The following LIF variants were observed in gnomAD, a reference collection of about 807,000 sequenced individuals.
The protein encoded by LIF is LIF interleukin 6 family cytokine, also known as leukemia inhibitory factor.
LIF carries 9 observed loss-of-function variants against 15.0 expected under a neutral mutation model. The observed-to-expected ratio is 0.60, with a 90% CI of 0.36 to 1.04. LIF has a LOEUF of 1.04. Ranked by LOEUF, LIF falls within the 50% of genes least tolerant of loss-of-function variation. The probability of loss-of-function intolerance (pLI) is 0.01; values close to 1 mark genes in which losing one functional copy is unlikely to be tolerated. For missense variants in LIF, 240 were observed against 266.7 expected (o/e 0.90, Z 0.70); for synonymous variants, 122 against 119.7 (o/e 1.02, Z -0.13).
intron 1 of LIF, chr22:30,246,324 A>C: frequency 2.5e-6 from 1 of 407,386 alleles, no homozygotes; most frequent in Non-Finnish European, 3.6e-6. Context: ...AAGAAAGAAA[A>C]GAAAAAGAGA....
intron 1 of LIF, 116 bp downstream of exon 1, chr22:30,246,561 C>T: frequency 6.9e-7 from 1 of 1,448,918 alleles, no homozygotes; most frequent in East Asian, 2.8e-5. Context: ...CGCGGGCGCC[C>T]CAAGTGTTCG....
chr22:30,243,396 C>T lies in LIF; in HGVS notation c.*255G>A, dbSNP rs956046684. On this transcript the variant is annotated 3_prime_UTR_variant, in exon 3 of 3. Transcript: ENST00000249075. The surrounding 1 kb of genome is among the most constrained non-coding windows in gnomAD (Gnocchi z 6.0). ...CAAGTAGAGGCAGAAGTCCAGCCCA[C>T]GCTCCCCAGTCCACAATCTCCCAGA... 2.4e-5 allele frequency: 14 copies of T among 576,220 alleles called. No individual in the cohort carries two copies. Among genetic ancestry groups the T allele is most frequent in the South Asian group, 9.9e-5 (5 of 50,350 alleles). The allele number at this position is 576,220 out of a possible 1,614,324, so 35.7% of individuals were successfully genotyped here. A position where few individuals can be genotyped will look rare whatever the true frequency, so the allele number is the denominator to read the frequency against.
intron 1 of LIF, 82 bp from the exon 2 acceptor site, chr22:30,245,015 A>C: frequency 7.2e-7 from 1 of 1,380,280 alleles, no homozygotes; most frequent in Non-Finnish European, 1.0e-6. Context: ...TGGGGGTCCA[A>C]CAATGGCCGC....
rs201179444 is a variant in LIF at position 30,246,663 on chromosome 22, G to T, written c.19+14C>A. 6.4e-7 allele frequency: 1 copy of T among 1,555,342 alleles called. No homozygotes were observed. Among genetic ancestry groups the T allele is most frequent in the East Asian group, 2.4e-5 (1 of 41,324 alleles). On this transcript the variant is annotated intron_variant, in intron 1 of 2. Transcript: ENST00000249075. ...AGCGGGGACGCGAAGCCGGCGCGGGGCGGGTGTATTTACCTGCCGCCAAGA... is the reference window on the plus strand; with the variant it reads ...AGCGGGGACGCGAAGCCGGCGCGGGTCGGGTGTATTTACCTGCCGCCAAGA...
rs570937044 is a variant in LIF, at chr22:30,245,688, C to T, written c.20-755G>A. Among the ~76,000 whole-genome samples the T allele has an allele frequency of 7.0e-4, 106 of 152,350 alleles. 1 individual carries two copies. In the Middle Eastern group the frequency reaches 0.01, roughly 15 times the overall value. On this transcript the variant is annotated intron_variant, in intron 1 of 2. Coordinates refer to ENST00000249075, the MANE Select transcript of LIF (RefSeq NM_002309.5). The stretch of plus-strand genomic sequence containing the variant: ...CCCCAGCTCCGGACAGCCCCTGACT[C>T]CATGCCTTCTCCCGACTCATCCGCT...
intron 1 of LIF, chr22:30,246,390 G>T: frequency 1.1e-6 from 1 of 933,224 alleles, no homozygotes; most frequent in Non-Finnish European, 1.4e-6. Flanking sequence ...GCGAGTGTCC[G>T]GAGCGAGGAG....
chr22:30,245,865 TGG>T (rs1217072370), intron 1 of LIF, among the ~76,000 whole-genome samples: 1 of 152,156 alleles, frequency 6.6e-6, no homozygotes, highest in Non-Finnish European at 1.5e-5. Flanking sequence ...ACAGGAGAGC[TGG>T]GAGCTGTCCC....
At chr22:30,245,697 C>T (rs1325305664) in intron 1 of LIF, among the ~76,000 whole-genome samples, 6 of 152,216 alleles carry the variant, frequency 3.9e-5, no homozygotes, top group African/African-American at 1.2e-4. Context: ...TCCATGCCTT[C>T]TCCCGACTCA....
At position 30,240,886 on chromosome 22, in the gene LIF, A is replaced by G. The variant is rs1279189153; in HGVS notation, c.*2765T>C. ...GCTGGGTCAGGGTGGAAGTGCCCCA[A>G]GTCAGGGACAAGGAGGACGATGGGG... is the stretch of plus-strand genomic sequence containing the variant. On this transcript the variant is annotated 3_prime_UTR_variant, in exon 3 of 3. Transcript: ENST00000249075. 1 of 152,432 alleles carries G rather than the reference A, an allele frequency of 6.6e-6. No individual in the cohort carries two copies. The highest frequency in any genetic ancestry group is 1.9e-4 in the East Asian group (1 of 5,220). 9.4% of individuals were successfully genotyped at this position (152,432 alleles called of 1,614,324 possible).
At position 30,243,650 on chromosome 22, in the gene LIF, G is replaced by T; in HGVS notation, c.*1C>A. On this transcript the variant is annotated 3_prime_UTR_variant, in exon 3 of 3. Transcript: ENST00000249075. The surrounding 1 kb of genome is among the most constrained non-coding windows in gnomAD (Gnocchi z 6.0). The stretch of plus-strand genomic sequence containing the variant: ...TTCACAGCACACTTCAAGACCTCCT[G>T]CTAGAAGGCCTGGGCCAACACGGCG... 6.2e-7 allele frequency: 1 copy of T among 1,614,160 alleles called. No homozygotes were observed. Among genetic ancestry groups the T allele is most frequent in the South Asian group, 1.1e-5 (1 of 91,088 alleles).
Position 30,243,641 on chromosome 22 carries a change from A to G in LIF, c.*10T>C, listed in dbSNP as rs537515222. The G allele has an allele frequency of 1.4e-4, 233 of 1,614,176 alleles. 5 individuals carry two copies. The South Asian group carries it at 2.2e-3, about 15-fold the overall frequency. ...ATCCCTCGGTTCACAGCACACTTCA[A>G]GACCTCCTGCTAGAAGGCCTGGGCC... On this transcript the variant is annotated 3_prime_UTR_variant, in exon 3 of 3. Transcript: ENST00000249075. This position sits in a 1 kb window ranked among gnomAD's most constrained non-coding sequence, Gnocchi z 6.0.
chr22:30,244,162 G>A (rs369656398), intron 2 of LIF, 101 bp from the exon 3 acceptor site: 40 of 1,149,806 alleles, frequency 3.5e-5, no homozygotes, highest in East Asian at 2.8e-4. Flanking sequence ...CCCATCTAGC[G>A]CATGAGGACC....
In LIF at chr22:30,243,708, G is replaced by T; in HGVS notation, c.552C>A (p.Gly184=). 1 of 1,614,268 alleles carries T rather than the reference G, an allele frequency of 6.2e-7. No individual in the cohort carries two copies. Among genetic ancestry groups the T allele is most frequent in the South Asian group, 1.1e-5 (1 of 91,092 alleles). Residue 184 remains glycine (G), a synonymous_variant, in exon 3 of 3, where the codon GGC becomes GGA. Transcript: ENST00000249075. The surrounding 1 kb of genome is among the most constrained non-coding windows in gnomAD (Gnocchi z 6.0). ...GCTTATACTTCCCCAGGAGTTGACAGCCCAGCTTCTTCTTCTGGAAGACAT... is the reference window on the plus strand; with the variant it reads ...GCTTATACTTCCCCAGGAGTTGACATCCCAGCTTCTTCTTCTGGAAGACAT... ...GKDVFQKKKL[G]CQLLGKYKQI... is the part of the protein sequence containing the mutation.
chr22:30,246,740 G>A lies in LIF; in HGVS notation c.-45C>T. 1 of 1,549,952 alleles carries A rather than the reference G, an allele frequency of 6.5e-7. No homozygotes were observed. Among genetic ancestry groups the A allele is most frequent in the East Asian group, 2.4e-5 (1 of 41,086 alleles). On this transcript the variant is annotated 5_prime_UTR_variant, in exon 1 of 3. Coordinates refer to ENST00000249075, the MANE Select transcript of LIF (RefSeq NM_002309.5). ...GGCCTTGGAGGAAACCTCAGATGCCGGCAGTTTTCAGAGGTTCATGCTCAA... is the reference window on the plus strand; with the variant it reads ...GGCCTTGGAGGAAACCTCAGATGCCAGCAGTTTTCAGAGGTTCATGCTCAA...
chr22:30,244,972 G>T, intron 1 of LIF, 39 bp from the exon 2 acceptor site: 1 of 1,609,082 alleles, frequency 6.2e-7, no homozygotes, highest in Non-Finnish European at 8.5e-7. Context: ...TAGAAAGGCA[G>T]GAAAGGGTGG....
intron 1 of LIF, among the ~76,000 whole-genome samples, chr22:30,245,147 C>A (rs187010094): frequency 7.7e-4 from 117 of 152,350 alleles, no homozygotes; most frequent in Non-Finnish European, 1.4e-3. Flanking sequence ...TCCCTGCTCT[C>A]TTCTGGGATG....
In LIF at chr22:30,243,678, G is replaced by C; in HGVS notation, c.582C>G (p.Ile194Met). ...GCQLLGKYKQ[I>M]IAVLAQAF The stretch of plus-strand genomic sequence containing the variant: ...AGAAGGCCTGGGCCAACACGGCGAT[G>C]ATCTGCTTATACTTCCCCAGGAGTT... Residue 194 changes from isoleucine (I) to methionine (M), a missense_variant, in exon 3 of 3, where the codon ATC becomes ATG. By Grantham distance (10) the Ile-to-Met change is conservative. Coordinates refer to ENST00000249075, the MANE Select transcript of LIF (RefSeq NM_002309.5). This position sits in a 1 kb window ranked among gnomAD's most constrained non-coding sequence, Gnocchi z 6.0. 1.2e-6 allele frequency: 2 copies of C among 1,614,240 alleles called. No individual in the cohort carries two copies. Among genetic ancestry groups the C allele is most frequent in the Admixed American group, 1.7e-5 (1 of 60,036 alleles).
At chr22:30,245,691 T>A (rs1601643685) in intron 1 of LIF, among the ~76,000 whole-genome samples, 1 of 152,162 alleles carries the variant, frequency 6.6e-6, no homozygotes, top group East Asian at 1.9e-4. Flanking sequence ...CCTGACTCCA[T>A]GCCTTCTCCC....
chr22:30,245,573 T>C (rs1928854666), intron 1 of LIF, among the ~76,000 whole-genome samples: 1 of 151,056 alleles, frequency 6.6e-6, no homozygotes. Flanking sequence ...CTTCCTTCCC[T>C]AGTGTCCCCT....
Sources: allele counts gnomAD v4.1 joint callset (sites outside exome capture counted in the v4.1 genomes callset), GRCh38; gene constraint gnomAD v4.1.1; non-coding constraint Gnocchi (gnomAD v3.1); transcripts MANE v1.5; gene names NCBI Gene and HGNC (gene_info 2026-07-23, HGNC 2026-07-21).